The following DNAJC1 variants were observed in gnomAD, a reference collection of about 807,000 sequenced individuals.
DNAJC1 encodes the protein dnaJ homolog subfamily C member 1.
Under a neutral mutation model 76.6 loss-of-function variants are expected in DNAJC1, and 58 were observed. That is an observed-to-expected ratio of 0.76 (90% CI 0.61 to 0.94). The LOEUF (loss-of-function observed/expected upper bound fraction) is 0.94, where lower values mean the gene tolerates loss of function less well. Ranked by LOEUF, DNAJC1 falls within the 40% of genes least tolerant of loss-of-function variation. The probability of loss-of-function intolerance (pLI) is 0.00; values close to 1 mark genes in which losing one functional copy is unlikely to be tolerated. For synonymous variants in DNAJC1, 258 were observed against 267.9 expected, an observed-to-expected ratio of 0.96 and a Z score of 0.36; for missense variants, 689 against 677.3, an observed-to-expected ratio of 1.02 and a Z score of -0.19.
At chr10:21,944,208 C>A (rs1018838357) in intron 1 of DNAJC1, among the ~76,000 whole-genome samples, 10 of 150,422 alleles carry the variant, frequency 6.6e-5, no homozygotes, top group African/African-American at 2.0e-4. Context: ...TTTTAATAAG[C>A]AGATTTTTAC....
At position 21,922,073 on chromosome 10, in the gene DNAJC1, T is replaced by C. The variant is rs534410303; in HGVS notation, c.372-1110A>G. Among the ~76,000 whole-genome samples, 11 of 152,084 alleles carry C rather than the reference T, an allele frequency of 7.2e-5. No homozygotes were observed. The East Asian group carries it at 2.1e-3, about 29-fold the overall frequency. On this transcript the variant is annotated intron_variant, in intron 3 of 11. Coordinates refer to ENST00000376980, the MANE Select transcript of DNAJC1 (RefSeq NM_022365.4). ...GCAGGCCTAATTACAGGAATAGAAATAGGGCCTATATTGTCAGGCAGGTCA... is the reference window on the plus strand; with the variant it reads ...GCAGGCCTAATTACAGGAATAGAAACAGGGCCTATATTGTCAGGCAGGTCA...
rs1590066291 is a variant in DNAJC1, at chr10:21,956,344, G to T, written c.223-27203C>A. ...CTCACCTCAACACTGTTGCATTAGG[G>T]ATTAAGTTTCCAACACATAAACTTT... On this transcript the variant is annotated intron_variant, in intron 1 of 11. Transcript: ENST00000376980. Among the ~76,000 whole-genome samples the T allele has an allele frequency of 3.3e-5, 5 of 152,172 alleles. 1 individual carries two copies. Among genetic ancestry groups the T allele is most frequent in the Admixed American group, 1.3e-4 (2 of 15,274 alleles).
rs114185524 is a variant in DNAJC1 at position 21,853,492 on chromosome 10, G to A, written c.978+28790C>T. 2.6e-3 allele frequency among the ~76,000 whole-genome samples: 401 copies of A among 152,190 alleles called. 2 individuals are homozygous for A. The highest frequency in any genetic ancestry group is 9.3e-3 in the African/African-American group (387 of 41,514). ...AATGAATAAAAATTAGCATTCAGGA[G>A]CACACTTTGGCCTCCCTGACCTTTT... is the stretch of plus-strand genomic sequence containing the variant. On this transcript the variant is annotated intron_variant, in intron 8 of 11. Coordinates refer to ENST00000376980, the MANE Select transcript of DNAJC1 (RefSeq NM_022365.4).
At chr10:21,921,838 G>C (rs778009441) in intron 3 of DNAJC1, among the ~76,000 whole-genome samples, 1 of 151,904 alleles carries the variant, frequency 6.6e-6, no homozygotes, top group Non-Finnish European at 1.5e-5. Flanking sequence ...ATATCTTTGA[G>C]GTTAAAAATA....
At chr10:21,835,216 G>C (rs1304488764) in intron 8 of DNAJC1, among the ~76,000 whole-genome samples, 1 of 152,214 alleles carries the variant, frequency 6.6e-6, no homozygotes, top group Admixed American at 6.5e-5. Context: ...CAGGCAAACA[G>C]GGTCTGGAGT....
intron 7 of DNAJC1, among the ~76,000 whole-genome samples, chr10:21,894,327 T>C (rs545714511): frequency 6.6e-6 from 1 of 152,206 alleles, no homozygotes; most frequent in South Asian, 2.1e-4. Flanking sequence ...TCCCAACACT[T>C]AGGGAGGCCA....
chr10:21,973,101 T>TA (rs774469225), intron 1 of DNAJC1, among the ~76,000 whole-genome samples: 59 of 152,296 alleles, frequency 3.9e-4, no homozygotes, highest in Non-Finnish European at 6.8e-4. Flanking sequence ...TATTTATATT[T>TA]ACATTACCTA....
chr10:21,870,682 G>C (rs1269936446), intron 8 of DNAJC1, among the ~76,000 whole-genome samples: 2 of 152,092 alleles, frequency 1.3e-5, no homozygotes, highest in African/African-American at 4.8e-5. Context: ...GGCTGAGGTG[G>C]GAGGATTGCT....
chr10:21,952,716 G>T (rs150615081), intron 1 of DNAJC1, among the ~76,000 whole-genome samples: 1 of 152,004 alleles, frequency 6.6e-6, no homozygotes, highest in East Asian at 1.9e-4. Flanking sequence ...CTGAGATTGC[G>T]CCACTGCACT....
intron 1 of DNAJC1, among the ~76,000 whole-genome samples, chr10:21,978,587 C>G (rs1196903960): frequency 2.0e-5 from 3 of 152,058 alleles, no homozygotes; most frequent in Non-Finnish European, 4.4e-5. Context: ...CAAATTATTT[C>G]CTGTATGTAA....
intron 1 of DNAJC1, among the ~76,000 whole-genome samples, chr10:21,974,058 C>T (rs183118713): frequency 1.4e-3 from 211 of 149,594 alleles, no homozygotes; most frequent in Middle Eastern, 3.4e-3. Flanking sequence ...GCCGAGATCA[C>T]GCCACTGTAC....
chr10:21,851,107 A>C (rs574181952), intron 8 of DNAJC1, among the ~76,000 whole-genome samples: 1 of 152,350 alleles, frequency 6.6e-6, no homozygotes, highest in South Asian at 2.1e-4. Flanking sequence ...TTGACAATGC[A>C]TTCTTAGTCC....
intron 10 of DNAJC1, among the ~76,000 whole-genome samples, chr10:21,762,395 A>G (rs961790340): frequency 6.6e-6 from 1 of 152,234 alleles, no homozygotes; most frequent in Non-Finnish European, 1.5e-5. Context: ...ACTCAATTAA[A>G]GGTCTGGCTC....
intron 9 of DNAJC1, among the ~76,000 whole-genome samples, chr10:21,789,344 C>A (rs1166125351): frequency 6.6e-6 from 1 of 152,200 alleles, no homozygotes; most frequent in African/African-American, 2.4e-5. Flanking sequence ...CACTTCCCAA[C>A]TGGCACTGTA....
chr10:21,950,242 T>A (rs564933642), intron 1 of DNAJC1, among the ~76,000 whole-genome samples: 1 of 152,322 alleles, frequency 6.6e-6, no homozygotes, highest in South Asian at 2.1e-4. Context: ...TGTTTCTGTA[T>A]CACATTTTGG....
In DNAJC1 at chr10:21,987,986, C is replaced by T. The variant is rs139245127; in HGVS notation, c.222+15227G>A. 2.6e-3 allele frequency among the ~76,000 whole-genome samples: 398 copies of T among 152,148 alleles called. 4 individuals carry two copies. The highest frequency in any genetic ancestry group is 6.7e-3 in the Admixed American group (103 of 15,274). The stretch of plus-strand genomic sequence containing the variant: ...TTTCACTAACATTGTATGTATTTTC[C>T]ATGTTGCTATGTAGTTTTCACATAT... On this transcript the variant is annotated intron_variant, in intron 1 of 11. Transcript: ENST00000376980.
intron 9 of DNAJC1, among the ~76,000 whole-genome samples, chr10:21,795,531 T>C (rs1834741158): frequency 6.6e-6 from 1 of 152,074 alleles, no homozygotes; most frequent in African/African-American, 2.4e-5. Flanking sequence ...AATAGATCAG[T>C]GTAGCCTGAG....
chr10:21,963,007 A>T (rs1837825291), intron 1 of DNAJC1, among the ~76,000 whole-genome samples: 1 of 152,224 alleles, frequency 6.6e-6, no homozygotes, highest in South Asian at 2.1e-4. Flanking sequence ...CATGAAGAAC[A>T]ATCAGTTGGT....
chr10:21,789,034 C>A (rs538270896), intron 9 of DNAJC1, among the ~76,000 whole-genome samples: 4 of 150,654 alleles, frequency 2.7e-5, no homozygotes, highest in Middle Eastern at 3.4e-3. Context: ...TCCAGCCCCA[C>A]AGCTGCTCTG....
Sources: gnomAD v4.1 joint callset for allele counts (sites outside exome capture counted in the v4.1 genomes callset) on GRCh38, gnomAD v4.1.1 for gene constraint, MANE v1.5 for transcripts, NCBI Gene and HGNC (gene_info 2026-07-23, HGNC 2026-07-21) for gene names.